Variants in IQCM observed in about 807,000 individuals in gnomAD.
The protein encoded by IQCM is IQ motif containing M, also known as IQ domain-containing protein M.
A neutral mutation model predicts 57.6 loss-of-function variants in IQCM; 45 were observed. The ratio of observed to expected loss-of-function variants is 0.78; its 90% CI spans 0.62 to 1.00. IQCM has a LOEUF of 1.00. IQCM is among the 50% of genes least tolerant of loss of function. The pLI is 0.00. For synonymous variants in IQCM, 148 were observed against 158.9 expected, an observed-to-expected ratio of 0.93 and a Z score of 0.51; for missense variants, 468 against 511.6, an observed-to-expected ratio of 0.91 and a Z score of 0.82.
At chr4:149,379,615 AC>A (rs1445192389) in intron 13 of IQCM, among the ~76,000 whole-genome samples, 1 of 151,880 alleles carries the variant, frequency 6.6e-6, no homozygotes, top group African/African-American at 2.4e-5. Context: ...CAATGCCTCT[AC>A]CCCCATTTTA....
chr4:149,621,782 A>G (rs555612784), intron 7 of IQCM, among the ~76,000 whole-genome samples: 1 of 152,340 alleles, frequency 6.6e-6, no homozygotes. Context: ...GGCAGTTGGT[A>G]CATAAGATTT....
chr4:149,516,885 T>C (rs1480948290), intron 12 of IQCM, among the ~76,000 whole-genome samples: 1 of 151,706 alleles, frequency 6.6e-6, no homozygotes, highest in Non-Finnish European at 1.5e-5. Flanking sequence ...AAGAAGGGAG[T>C]TACAGTGTTG....
intron 7 of IQCM, among the ~76,000 whole-genome samples, chr4:149,628,053 A>G (rs1232315941): frequency 6.6e-6 from 1 of 152,182 alleles, no homozygotes; most frequent in Non-Finnish European, 1.5e-5. Context: ...ATTCAGTGAA[A>G]TTGATTTCAA....
At chr4:149,640,606 A>G (rs929389736) in intron 7 of IQCM, among the ~76,000 whole-genome samples, 1 of 152,118 alleles carries the variant, frequency 6.6e-6, no homozygotes, top group Non-Finnish European at 1.5e-5. Flanking sequence ...GACTGCTTAA[A>G]TTCTAACCAC....
At chr4:149,594,924 T>C (rs1439587100) in intron 8 of IQCM, among the ~76,000 whole-genome samples, 5 of 152,126 alleles carry the variant, frequency 3.3e-5, no homozygotes, top group African/African-American at 4.8e-5. Flanking sequence ...GAGAAGAATG[T>C]ATATTCTGTT....
chr4:149,526,531 A>C (rs1463571046), intron 12 of IQCM, among the ~76,000 whole-genome samples: 1 of 152,062 alleles, frequency 6.6e-6, no homozygotes, highest in Non-Finnish European at 1.5e-5. Flanking sequence ...TGGCTCCTCA[A>C]ATAATTTGCA....
chr4:149,368,858 A>ATATATATACATATATATACACGTG (rs1730083186), intron 13 of IQCM, among the ~76,000 whole-genome samples: 1 of 84,540 alleles, frequency 1.2e-5, no homozygotes, highest in Non-Finnish European at 2.4e-5. Context: ...ATATACATGT[A>ATATATATACATATATATACACGTG]TATATATACA....
intron 2 of IQCM, among the ~76,000 whole-genome samples, chr4:149,798,871 A>G (rs1219392430): frequency 6.6e-6 from 1 of 152,004 alleles, no homozygotes; most frequent in Admixed American, 6.6e-5. Flanking sequence ...ATGGGTCCCA[A>G]TACAATAAGA....
At chr4:149,799,957 C>A (rs916053475) in intron 2 of IQCM, among the ~76,000 whole-genome samples, 5 of 151,846 alleles carry the variant, frequency 3.3e-5, no homozygotes, top group African/African-American at 1.2e-4. Context: ...TCAAACTATT[C>A]TAAAAAATAG....
intron 13 of IQCM, among the ~76,000 whole-genome samples, chr4:149,363,948 G>T (rs1392461305): frequency 3.9e-5 from 6 of 152,094 alleles, no homozygotes; most frequent in African/African-American, 1.2e-4. Context: ...TGCTTCTACT[G>T]GAATAGTATG....
At chr4:149,390,398 T>C (rs1028356597) in intron 13 of IQCM, among the ~76,000 whole-genome samples, 1 of 151,754 alleles carries the variant, frequency 6.6e-6, no homozygotes, top group Non-Finnish European at 1.5e-5. Context: ...TTCTTCCTTC[T>C]CCATCTGGAT....
At chr4:149,729,695 A>AT (rs932156901) in intron 5 of IQCM, among the ~76,000 whole-genome samples, 12 of 151,604 alleles carry the variant, frequency 7.9e-5, no homozygotes, top group South Asian at 4.2e-4. Flanking sequence ...GGATGCAGTC[A>AT]TTTTTTTTAA....
At chr4:149,647,630 TC>T (rs1453760994) in intron 7 of IQCM, among the ~76,000 whole-genome samples, 1 of 152,038 alleles carries the variant, frequency 6.6e-6, no homozygotes, top group Non-Finnish European at 1.5e-5. Context: ...CTTTTGCTTT[TC>T]TTTTTTTCTT....
chr4:149,800,251 G>A (rs761961283), intron 2 of IQCM, among the ~76,000 whole-genome samples: 2 of 151,682 alleles, frequency 1.3e-5, no homozygotes, highest in Non-Finnish European at 2.9e-5. Flanking sequence ...AAAACCAAAT[G>A]ATCATTTCAA....
chr4:149,467,911 C>G (rs1215388497), intron 12 of IQCM, among the ~76,000 whole-genome samples: 4 of 152,122 alleles, frequency 2.6e-5, no homozygotes. Context: ...GCTGTTTATA[C>G]ATTTCATCAA....
intron 9 of IQCM, among the ~76,000 whole-genome samples, chr4:149,576,633 T>A (rs892564801): frequency 2.0e-5 from 3 of 151,998 alleles, no homozygotes; most frequent in Non-Finnish European, 4.4e-5. Flanking sequence ...ATTTTCTTTA[T>A]CTAATCCACC....
chr4:149,473,220 C>G (rs145340532), intron 12 of IQCM, among the ~76,000 whole-genome samples: 2,541 of 152,234 alleles, frequency 0.017, 62 homozygotes, highest in African/African-American at 0.057. Flanking sequence ...TTGCAATCTA[C>G]CCATCTGACA....
chr4:149,379,557 C>G (rs1038928360), intron 13 of IQCM, among the ~76,000 whole-genome samples: 4 of 152,176 alleles, frequency 2.6e-5, no homozygotes, highest in Non-Finnish European at 5.9e-5. Context: ...AGGCCTTTAG[C>G]CCCTTTGCTT....
chr4:149,784,714 T>C (rs925972843), intron 2 of IQCM, among the ~76,000 whole-genome samples: 3 of 152,088 alleles, frequency 2.0e-5, no homozygotes, highest in Admixed American at 2.0e-4. Context: ...GCGCCCGGCC[T>C]GAAAAAAAGT....
Sources: gnomAD v4.1 joint callset for allele counts (sites outside exome capture counted in the v4.1 genomes callset) on GRCh38, gnomAD v4.1.1 for gene constraint, MANE v1.5 for transcripts, NCBI Gene and HGNC (gene_info 2026-07-23, HGNC 2026-07-21) for gene names.